The following CFAP47 variants were observed in gnomAD, a reference collection of about 807,000 sequenced individuals.
The protein encoded by CFAP47 is cilia and flagella associated protein 47, also known as cilia- and flagella-associated protein 47.
Under a neutral mutation model 148.1 loss-of-function variants are expected in CFAP47, and 29 were observed. The observed-to-expected ratio is 0.20, with a 90% confidence interval of 0.15 to 0.27. CFAP47 has a LOEUF of 0.27. CFAP47 is among the 10% of genes least tolerant of loss of function. The probability of loss-of-function intolerance (pLI) is 1.00; values close to 1 mark genes in which losing one functional copy is unlikely to be tolerated. For missense variants in CFAP47, 1,872 were observed against 1,697.5 expected (o/e 1.10, Z -1.81); for synonymous variants, 664 against 577.3 (o/e 1.15, Z -2.15).
chrX:36,096,328 C>G (rs1175169473), intron 30 of CFAP47, among the ~76,000 whole-genome samples: 1 of 111,060 alleles, frequency 9.0e-6, no homozygotes, highest in Non-Finnish European at 1.9e-5. Context: ...ATTCCATAGC[C>G]ATTAGATGAA....
chrX:36,191,929 GC>G (rs1223416111), intron 42 of CFAP47, among the ~76,000 whole-genome samples: 1 of 110,804 alleles, frequency 9.0e-6, no homozygotes, highest in Non-Finnish European at 1.9e-5. Context: ...GCTGCAGTGA[GC>G]CGAGATCATG....
chrX:36,191,074 T>G (rs981155701), intron 42 of CFAP47, among the ~76,000 whole-genome samples: 1 of 111,874 alleles, frequency 8.9e-6, no homozygotes, highest in African/African-American at 3.2e-5. Flanking sequence ...TAGTTTAATT[T>G]TACACTTAAA....
chrX:36,206,563 G>A (rs1448801473), intron 45 of CFAP47, among the ~76,000 whole-genome samples: 1 of 111,540 alleles, frequency 9.0e-6, no homozygotes, highest in African/African-American at 3.3e-5. Flanking sequence ...ATAAAATTAA[G>A]AATTAATTCA....
chrX:36,032,620 G>C (rs1937293462), intron 23 of CFAP47, among the ~76,000 whole-genome samples: 1 of 110,706 alleles, frequency 9.0e-6, no homozygotes, highest in African/African-American at 3.3e-5. Flanking sequence ...AAAAAAATAG[G>C]AAGTGGAGCT....
intron 1 of CFAP47, among the ~76,000 whole-genome samples, chrX:35,925,435 A>G (rs1403114694): frequency 8.9e-6 from 1 of 111,797 alleles, no homozygotes; most frequent in Non-Finnish European, 1.9e-5. Flanking sequence ...AAATGTTCCC[A>G]GTACAAATAA....
At chrX:36,053,690 A>G (rs1489548470) in intron 26 of CFAP47, among the ~76,000 whole-genome samples, 2 of 112,316 alleles carry the variant, frequency 1.8e-5, no homozygotes, top group African/African-American at 6.5e-5. Flanking sequence ...TAGTCTCTAT[A>G]CAAGGTAGAA....
chrX:35,998,158 A>G (rs1282174365), intron 19 of CFAP47, among the ~76,000 whole-genome samples: 1 of 111,586 alleles, frequency 9.0e-6, no homozygotes, highest in African/African-American at 3.3e-5. Flanking sequence ...AAATTTTGCC[A>G]ATCTATTGAG....
At chrX:36,284,146 G>T (rs946983430) in intron 50 of CFAP47, among the ~76,000 whole-genome samples, 1 of 111,779 alleles carries the variant, frequency 8.9e-6, no homozygotes, top group Non-Finnish European at 1.9e-5. Context: ...AGGAGCAAAT[G>T]TGAGCAGAGC....
intron 40 of CFAP47, among the ~76,000 whole-genome samples, chrX:36,186,081 T>G (rs1044734265): frequency 2.7e-5 from 3 of 112,027 alleles, no homozygotes; most frequent in African/African-American, 9.7e-5. Flanking sequence ...TACTTGTTTA[T>G]TAATAGACAT....
Position 36,298,998 on chromosome X carries a change from C to T in CFAP47, c.7708C>T (p.Pro2570Ser). Residue 2570 changes from proline to serine, a missense_variant, in exon 52 of 64, where the codon CCT becomes TCT. Physicochemically the swap from Pro to Ser is moderately conservative, Grantham distance 74. Coordinates refer to ENST00000378653, the MANE Select transcript of CFAP47 (RefSeq NM_001304548.2). The part of the protein sequence containing the change: ...IALDSTCIEI[P>S]LSNPKDRGLH... ...CTAGGACAGCACTTGCATTGAAATA[C>T]CTCTCTCTAATCCAAAAGATAGAGG... 8.7e-7 allele frequency: 1 copy of T among 1,153,836 alleles called. No homozygotes were observed. Among genetic ancestry groups the T allele is most frequent in the South Asian group, 1.9e-5 (1 of 51,755 alleles).
chrX:36,019,189 C>T (rs1331950004), intron 22 of CFAP47, among the ~76,000 whole-genome samples: 9 of 111,820 alleles, frequency 8.0e-5, no homozygotes, highest in Non-Finnish European at 1.3e-4. Flanking sequence ...AGCTGAATGT[C>T]TGAGCCTCTT....
Position 36,179,354 on chromosome X carries a change from G to C in CFAP47, c.6036G>C (p.Leu2012Phe), listed in dbSNP as rs1487885649. 1 of 295,132 alleles carries C rather than the reference G, an allele frequency of 3.4e-6. No homozygotes were observed. The highest frequency in any genetic ancestry group is 4.8e-5 in the East Asian group (1 of 20,876). 24.3% of individuals were successfully genotyped at this position (295,132 alleles called of 1,213,427 possible). A position where few individuals can be genotyped will look rare whatever the true frequency, so the allele number is the denominator to read the frequency against. ...TCTTCATTTATTCCAGTGTCATTTT[G>C]GTGGAATCCTCAACATTTGTCTCTT... Reference protein sequence around the residue: ...FHTAGDFSVILVESSTFVSSP... With the variant: ...FHTAGDFSVIFVESSTFVSSP... Residue 2012 changes from leucine (L) to phenylalanine (F), a missense_variant, in exon 40 of 64, where the codon TTG (leucine) becomes TTC (phenylalanine). Transcript: ENST00000378653.
intron 30 of CFAP47, among the ~76,000 whole-genome samples, chrX:36,086,946 A>T (rs1938098818): frequency 9.0e-6 from 1 of 111,598 alleles, no homozygotes; most frequent in Non-Finnish European, 1.9e-5. Context: ...TTGGTCCTTG[A>T]CGGGCCTAAG....
chrX:36,145,299 C>T lies in CFAP47; in HGVS notation c.5616C>T (p.Leu1872=). The change falls in exon 36 of 64, where the codon CTC becomes CTT. Residue 1872 remains leucine (L), a synonymous_variant. Transcript: ENST00000378653. The part of the protein sequence containing the change: ...VYMYERLPTY[L]PKKVVSFECT... The stretch of plus-strand genomic sequence containing the variant: ...TGTATGAAAGACTCCCTACATATCT[C>T]CCTAAGAAGGTGGTGTCCTTTGAAT... The T allele has an allele frequency of 3.3e-6, 1 of 299,078 alleles. No homozygotes were observed. Among genetic ancestry groups the T allele is most frequent in the Non-Finnish European group, 5.8e-6 (1 of 171,382 alleles). 24.6% of individuals were successfully genotyped at this position (299,078 alleles called of 1,213,427 possible). A position where few individuals can be genotyped will look rare whatever the true frequency, so the allele number is the denominator to read the frequency against.
At position 36,317,067 on chromosome X, in the gene CFAP47, C is replaced by A. The variant is rs782103223; in HGVS notation, c.8345-2142C>A. Among the ~76,000 whole-genome samples the A allele has an allele frequency of 2.7e-5, 3 of 112,018 alleles. No individual in the cohort carries two copies. In the East Asian group the frequency reaches 8.5e-4, roughly 32 times the overall value. On this transcript the variant is annotated intron_variant, in intron 56 of 63. Transcript: ENST00000378653. ...CTCCCAAATTTCTGGGCTTATGAGC[C>A]ACTGCGCCCAGCCCTCAGAGTGAAT...
rs1219603076 is a variant in CFAP47 at position 36,233,023 on chromosome X, C to T, written c.7015-2911C>T. Among the ~76,000 whole-genome samples the T allele has an allele frequency of 3.6e-5, 4 of 111,650 alleles. No homozygotes were observed. In the East Asian group the frequency reaches 1.1e-3, roughly 31 times the overall value. ...GTTCTTTTACATTTGCTGAGGAGAG[C>T]TTTACTTCCAAGTATGTGGTCAATT... On this transcript the variant is annotated intron_variant, in intron 46 of 63. Coordinates refer to ENST00000378653, the MANE Select transcript of CFAP47 (RefSeq NM_001304548.2).
chrX:36,266,029 G>A (rs1243195322), intron 49 of CFAP47, among the ~76,000 whole-genome samples: 1 of 112,021 alleles, frequency 8.9e-6, no homozygotes, highest in African/African-American at 3.3e-5. Flanking sequence ...CTGGTACTGG[G>A]TCCATGGCTT....
Position 36,106,919 on chromosome X carries a change from G to C in CFAP47, c.5320+2228G>C, listed in dbSNP as rs1938475689. Among the ~76,000 whole-genome samples the C allele has an allele frequency of 2.7e-5, 3 of 111,344 alleles. No individual in the cohort carries two copies. In the South Asian group the frequency reaches 1.1e-3, roughly 42 times the overall value. On this transcript the variant is annotated intron_variant, in intron 33 of 63. Transcript: ENST00000378653. ...TATGAATACATGTCATTATACATTT[G>C]TTAAAACCCATAGAATGTATAATAT...
At chrX:36,149,899 G>A (rs1225411047) in intron 37 of CFAP47, among the ~76,000 whole-genome samples, 1 of 110,217 alleles carries the variant, frequency 9.1e-6, no homozygotes. Flanking sequence ...ATGAGCCACT[G>A]TGCCCGGCCT....
Sources: gnomAD v4.1 joint callset for allele counts (sites outside exome capture counted in the v4.1 genomes callset) on GRCh38, gnomAD v4.1.1 for gene constraint, MANE v1.5 for transcripts, NCBI Gene and HGNC (gene_info 2026-07-23, HGNC 2026-07-21) for gene names.